Variants in RASGRF2 observed in about 807,000 individuals in gnomAD.
RASGRF2 encodes the protein ras-specific guanine nucleotide-releasing factor 2.
A neutral mutation model predicts 151.0 loss-of-function variants in RASGRF2; 76 were observed. That is an observed-to-expected ratio of 0.50 (90% CI 0.42 to 0.61). RASGRF2 has a LOEUF of 0.61. Ranked by LOEUF, RASGRF2 falls within the 20% of genes least tolerant of loss-of-function variation. RASGRF2 has a pLI of 0.00. For synonymous variants in RASGRF2, 504 were observed against 566.5 expected, an observed-to-expected ratio of 0.89 and a Z score of 1.57; for missense variants, 1,148 against 1,564.6, an observed-to-expected ratio of 0.73 and a Z score of 4.49.
intron 24 of RASGRF2, among the ~76,000 whole-genome samples, chr5:81,216,650 G>C (rs1755746745): frequency 6.6e-6 from 1 of 152,198 alleles, no homozygotes; most frequent in African/African-American, 2.4e-5. Context: ...AAATTCAAGA[G>C]ATAAGCTTTT....
chr5:81,107,196 C>CAA (rs35987554), intron 12 of RASGRF2, among the ~76,000 whole-genome samples: 15,033 of 94,136 alleles, frequency 0.16, 1,261 homozygotes, highest in East Asian at 0.3. Context: ...CCTGTCTCTA[C>CAA]AAAAAAAAAA....
Position 81,207,250 on chromosome 5 carries a change from A to G in RASGRF2, c.2972A>G (p.Asp991Gly). The change falls in exon 21 of 27, where the codon GAC becomes GGC. Residue 991 changes from aspartate to glycine, a missense_variant. By Grantham distance (94) the Asp-to-Gly change is moderately conservative. Transcript: ENST00000265080. ...TCCCTCCCTCATCTCTTGCAGACTG[A>G]CTGCATGAAGGCCGAATGCTTTGAG... ...LKLEDIIQMT[D>G]CMKAECFESL... The G allele has an allele frequency of 6.2e-7, 1 of 1,613,820 alleles. No individual in the cohort carries two copies. The highest frequency in any genetic ancestry group is 8.5e-7 in the Non-Finnish European group (1 of 1,179,742).
At chr5:81,148,440 G>T (rs1044909306) in intron 17 of RASGRF2, among the ~76,000 whole-genome samples, 2 of 152,018 alleles carry the variant, frequency 1.3e-5, no homozygotes, top group South Asian at 2.1e-4. Flanking sequence ...TCATAGTTTC[G>T]GTTTAATTTT....
chr5:81,207,773 A>AG (rs1390585830), intron 21 of RASGRF2, among the ~76,000 whole-genome samples: 1 of 152,252 alleles, frequency 6.6e-6, no homozygotes, highest in Non-Finnish European at 1.5e-5. Context: ...CTGCCTGGTC[A>AG]GGGCAACATG....
chr5:81,036,945 T>G (rs377749355), intron 1 of RASGRF2, among the ~76,000 whole-genome samples: 106 of 152,336 alleles, frequency 7.0e-4, no homozygotes, highest in African/African-American at 2.5e-3. Context: ...CTGGGTAATT[T>G]ACAAAGAAAG....
chr5:81,103,604 A>G (rs252582), intron 12 of RASGRF2, among the ~76,000 whole-genome samples: 31,368 of 152,100 alleles, frequency 0.21, 3,719 homozygotes, highest in Admixed American at 0.29. Context: ...CTGAAGAAAC[A>G]TACCAAATTC....
chr5:81,050,149 T>C (rs1258636222), intron 2 of RASGRF2, among the ~76,000 whole-genome samples: 3 of 152,178 alleles, frequency 2.0e-5, no homozygotes, highest in African/African-American at 7.2e-5. Context: ...TTTCTCCACA[T>C]GTCTGCAGCA....
chr5:81,148,493 T>C (rs897503247), intron 17 of RASGRF2, among the ~76,000 whole-genome samples: 18 of 152,162 alleles, frequency 1.2e-4, no homozygotes, highest in Non-Finnish European at 4.4e-5. Flanking sequence ...TTGATATACA[T>C]AGAAGACATA....
chr5:81,049,815 G>C (rs1052875246), intron 2 of RASGRF2, among the ~76,000 whole-genome samples: 1 of 152,118 alleles, frequency 6.6e-6, no homozygotes, highest in Admixed American at 6.5e-5. Flanking sequence ...TGGGCAGGCT[G>C]ACTCCAAAAC....
chr5:81,043,269 A>T (rs1750735794), intron 2 of RASGRF2, among the ~76,000 whole-genome samples: 1 of 150,308 alleles, frequency 6.7e-6, no homozygotes, highest in Non-Finnish European at 1.5e-5. Flanking sequence ...CAATTACAGA[A>T]TGTATTGAAT....
At chr5:81,216,926 C>A in intron 24 of RASGRF2, 1 of 442,258 alleles carries the variant, frequency 2.3e-6, no homozygotes. Flanking sequence ...AAGTTTTTAC[C>A]AGTGCAAAGC....
At chr5:80,993,847 G>A (rs1452026396) in intron 1 of RASGRF2, among the ~76,000 whole-genome samples, 1 of 152,280 alleles carries the variant, frequency 6.6e-6, no homozygotes, top group East Asian at 1.9e-4. Flanking sequence ...CTTGATGGTG[G>A]CCGCTGTGGG....
chr5:81,004,880 G>A (rs776943846), intron 1 of RASGRF2, among the ~76,000 whole-genome samples: 36 of 152,148 alleles, frequency 2.4e-4, no homozygotes, highest in Admixed American at 8.5e-4. Context: ...TATCAGTATT[G>A]TTCTTTGCTT....
intron 1 of RASGRF2, among the ~76,000 whole-genome samples, chr5:81,025,572 G>A (rs72769259): frequency 0.043 from 6,478 of 152,282 alleles, 180 homozygotes; most frequent in Non-Finnish European, 0.062. Flanking sequence ...GTGAGTGAAA[G>A]TCAAAACCAT....
chr5:81,096,661 C>T (rs1043167739), intron 12 of RASGRF2, among the ~76,000 whole-genome samples: 2 of 152,118 alleles, frequency 1.3e-5, no homozygotes, highest in African/African-American at 4.8e-5. Flanking sequence ...CCTTCTTTAG[C>T]ATGACTGGGG....
chr5:80,998,553 C>A (rs548808044), intron 1 of RASGRF2, among the ~76,000 whole-genome samples: 1 of 152,316 alleles, frequency 6.6e-6, no homozygotes, highest in South Asian at 2.1e-4. Flanking sequence ...CATTCTCTTT[C>A]CAGTGTGCTC....
chr5:81,067,910 T>C (rs1248444658), intron 2 of RASGRF2, 122 bp from the exon 3 acceptor site: 2 of 781,466 alleles, frequency 2.6e-6, no homozygotes, highest in Non-Finnish European at 3.7e-6. Context: ...TTATGTCAAG[T>C]AGAGATAGCT....
intron 17 of RASGRF2, among the ~76,000 whole-genome samples, chr5:81,170,957 TC>T (rs1328719973): frequency 6.6e-6 from 1 of 152,142 alleles, no homozygotes; most frequent in African/African-American, 2.4e-5. Context: ...CCGCCCTTCC[TC>T]CCACCCTTCC....
chr5:81,122,908 C>A (rs968612694), intron 15 of RASGRF2, among the ~76,000 whole-genome samples: 5 of 152,098 alleles, frequency 3.3e-5, no homozygotes, highest in African/African-American at 1.2e-4. Context: ...TGACCTTAAA[C>A]CCTCCCAATG....
Sources: allele counts gnomAD v4.1 joint callset (sites outside exome capture counted in the v4.1 genomes callset), GRCh38; gene constraint gnomAD v4.1.1; transcripts MANE v1.5; gene names NCBI Gene and HGNC (gene_info 2026-07-23, HGNC 2026-07-21).